Variants in SPAG16 observed in about 807,000 individuals in gnomAD.
The protein encoded by SPAG16 is sperm associated antigen 16, also known as sperm-associated antigen 16 protein.
Under a neutral mutation model 80.4 loss-of-function variants are expected in SPAG16, and 86 were observed. That is an observed-to-expected ratio of 1.07 (90% CI 0.90 to 1.28). The LOEUF (loss-of-function observed/expected upper bound fraction) is 1.28, where lower values mean the gene tolerates loss of function less well. Ranked by LOEUF, SPAG16 falls within the 50% of genes most tolerant of loss-of-function variation. The probability of loss-of-function intolerance (pLI) is 0.00; values close to 1 mark genes in which losing one functional copy is unlikely to be tolerated. For synonymous variants in SPAG16, 294 were observed against 265.9 expected, an observed-to-expected ratio of 1.11 and a Z score of -1.03; for missense variants, 870 against 765.3, an observed-to-expected ratio of 1.14 and a Z score of -1.61.
intron 9 of SPAG16, among the ~76,000 whole-genome samples, chr2:213,463,514 C>A (rs187206366): frequency 6.6e-6 from 1 of 152,348 alleles, no homozygotes; most frequent in Non-Finnish European, 1.5e-5. Context: ...TGGTGCCCTG[C>A]ATCCAAGCTA....
intron 14 of SPAG16, among the ~76,000 whole-genome samples, chr2:214,112,508 A>C (rs1034715181): frequency 1.3e-5 from 2 of 152,144 alleles, no homozygotes; most frequent in African/African-American, 4.8e-5. Flanking sequence ...TAATGGGTGC[A>C]TATATATTTA....
At chr2:213,854,643 A>C (rs769314549) in intron 10 of SPAG16, among the ~76,000 whole-genome samples, 2 of 152,222 alleles carry the variant, frequency 1.3e-5, no homozygotes, top group Non-Finnish European at 2.9e-5. Flanking sequence ...AAAAATTCCC[A>C]TAATAAGCTT....
chr2:213,771,775 T>C (rs1440485102), intron 10 of SPAG16, among the ~76,000 whole-genome samples: 2 of 152,194 alleles, frequency 1.3e-5, no homozygotes, highest in Admixed American at 1.3e-4. Flanking sequence ...TGCAGTCTTA[T>C]TTCTGAGATC....
chr2:213,525,087 G>A (rs113738979), intron 10 of SPAG16, among the ~76,000 whole-genome samples: 19,628 of 151,966 alleles, frequency 0.13, 1,742 homozygotes, highest in South Asian at 0.26. Context: ...CCATGCTGCT[G>A]TTCTCATGAT....
chr2:214,050,602 A>G (rs2049592801), intron 13 of SPAG16, among the ~76,000 whole-genome samples: 1 of 152,178 alleles, frequency 6.6e-6, no homozygotes, highest in African/African-American at 2.4e-5. Flanking sequence ...TTAGAAAGCA[A>G]TGTATGTACT....
At chr2:213,314,366 G>GA (rs2063318982) in intron 4 of SPAG16, among the ~76,000 whole-genome samples, 1 of 151,076 alleles carries the variant, frequency 6.6e-6, no homozygotes, top group Non-Finnish European at 1.5e-5. Flanking sequence ...TGAAAAAGAA[G>GA]AAAAAATAAA....
intron 15 of SPAG16, among the ~76,000 whole-genome samples, chr2:214,375,417 A>G (rs1700066998): frequency 6.6e-6 from 1 of 152,142 alleles, no homozygotes; most frequent in South Asian, 2.1e-4. Context: ...CTTGGCCTTC[A>G]AATTCTCAGT....
intron 12 of SPAG16, among the ~76,000 whole-genome samples, chr2:213,980,840 C>T (rs1045377534): frequency 2.8e-5 from 4 of 141,352 alleles, no homozygotes; most frequent in East Asian, 4.2e-4. Flanking sequence ...ACCCGGGAGG[C>T]GGAGGTTGCA....
chr2:214,057,120 A>G (rs1267878769), intron 13 of SPAG16, among the ~76,000 whole-genome samples: 2 of 151,130 alleles, frequency 1.3e-5, no homozygotes, highest in Non-Finnish European at 2.9e-5. Flanking sequence ...GTTAATCTTT[A>G]TATTTCGATC....
At chr2:214,058,498 A>G (rs1003160785) in intron 13 of SPAG16, among the ~76,000 whole-genome samples, 1 of 152,186 alleles carries the variant, frequency 6.6e-6, no homozygotes, top group Non-Finnish European at 1.5e-5. Flanking sequence ...CACTAATCAT[A>G]GACCATCATA....
intron 14 of SPAG16, among the ~76,000 whole-genome samples, chr2:214,134,811 C>T (rs1174396702): frequency 6.6e-6 from 1 of 152,140 alleles, no homozygotes; most frequent in East Asian, 1.9e-4. Flanking sequence ...TTTTTTACAT[C>T]ATATGTAAAA....
chr2:214,351,435 C>T (rs1698398713), intron 15 of SPAG16, among the ~76,000 whole-genome samples: 1 of 152,050 alleles, frequency 6.6e-6, no homozygotes, highest in Non-Finnish European at 1.5e-5. Context: ...GGCGCTGTGG[C>T]TCATGCCTGT....
At chr2:214,138,924 C>CA (rs1291556847) in intron 14 of SPAG16, among the ~76,000 whole-genome samples, 1 of 151,938 alleles carries the variant, frequency 6.6e-6, no homozygotes, top group Admixed American at 6.6e-5. Context: ...GGCAGTTCTT[C>CA]AAAAAAAGTG....
chr2:213,548,656 G>A (rs1162172209), intron 10 of SPAG16, among the ~76,000 whole-genome samples: 2 of 152,058 alleles, frequency 1.3e-5, no homozygotes, highest in African/African-American at 4.8e-5. Flanking sequence ...TTTCTGTTCT[G>A]TAGATTTTCT....
intron 15 of SPAG16, among the ~76,000 whole-genome samples, chr2:214,354,761 A>G (rs1698664305): frequency 1.3e-5 from 2 of 152,040 alleles, no homozygotes; most frequent in Non-Finnish European, 2.9e-5. Context: ...CTTTGAAGCA[A>G]TTGTGAATGG....
chr2:214,193,428 A>AT (rs56312142), intron 15 of SPAG16, among the ~76,000 whole-genome samples: 20,409 of 84,692 alleles, frequency 0.24, 917 homozygotes, highest in Non-Finnish European at 0.34. Flanking sequence ...TGTGTGTATG[A>AT]GAGAGAGAGA....
At chr2:213,801,144 G>A (rs572145711) in intron 10 of SPAG16, among the ~76,000 whole-genome samples, 6 of 152,156 alleles carry the variant, frequency 3.9e-5, no homozygotes, top group Non-Finnish European at 8.8e-5. Context: ...GGCAGACCTG[G>A]AAAATAGTTA....
intron 8 of SPAG16, among the ~76,000 whole-genome samples, chr2:213,366,324 C>T (rs2066288515): frequency 6.6e-6 from 1 of 151,920 alleles, no homozygotes; most frequent in Non-Finnish European, 1.5e-5. Flanking sequence ...AAGAAAAGAA[C>T]TAATCATACA....
chr2:213,646,319 A>G (rs556943405), intron 10 of SPAG16, among the ~76,000 whole-genome samples: 2 of 152,164 alleles, frequency 1.3e-5, no homozygotes, highest in Non-Finnish European at 2.9e-5. Context: ...GGAGTCTTCT[A>G]TTCCACCATT....
Sources: gnomAD v4.1 joint callset for allele counts (sites outside exome capture counted in the v4.1 genomes callset) on GRCh38, gnomAD v4.1.1 for gene constraint, MANE v1.5 for transcripts, NCBI Gene and HGNC (gene_info 2026-07-23, HGNC 2026-07-21) for gene names.